DBT: variants seen among roughly 807,000 people sequenced by gnomAD.
DBT encodes lipoamide acyltransferase component of branched-chain alpha-keto acid dehydrogenase complex, mitochondrial.
DBT carries 40 observed loss-of-function variants against 51.3 expected under a neutral mutation model. The observed-to-expected ratio is 0.78, with a 90% CI of 0.61 to 1.02. The LOEUF (loss-of-function observed/expected upper bound fraction) is 1.02. Ranked by LOEUF, DBT falls within the 50% of genes least tolerant of loss-of-function variation. The pLI is 0.00. For missense variants in DBT, 510 were observed against 580.2 expected (o/e 0.88, Z 1.24); for synonymous variants, 181 against 190.4 (o/e 0.95, Z 0.41).
intron 10 of DBT, among the ~76,000 whole-genome samples, chr1:100,206,015 G>A (rs1441617362): frequency 6.6e-6 from 1 of 150,854 alleles, no homozygotes; most frequent in Non-Finnish European, 1.5e-5. Context: ...ACCATGGCAG[G>A]TGTATACTCA....
intron 4 of DBT, among the ~76,000 whole-genome samples, chr1:100,219,117 C>G (rs1300089118): frequency 6.6e-6 from 1 of 152,062 alleles, no homozygotes; most frequent in African/African-American, 2.4e-5. Flanking sequence ...TTTGGGAGGT[C>G]AAGGCAGAAG....
chr1:100,217,186 T>C (rs1467686157), intron 5 of DBT, among the ~76,000 whole-genome samples: 3 of 152,172 alleles, frequency 2.0e-5, no homozygotes, highest in African/African-American at 7.2e-5. Context: ...TCTACCCAAG[T>C]ATTCTATACC....
chr1:100,218,823 A>G, intron 4 of DBT, 76 bp from the exon 5 acceptor site: 2 of 1,145,758 alleles, frequency 1.7e-6, no homozygotes, highest in East Asian at 4.8e-5. Context: ...TAAGGCCACT[A>G]AGATGTGGCC....
chr1:100,216,861 A>T (rs1662525381), intron 5 of DBT, among the ~76,000 whole-genome samples: 1 of 152,206 alleles, frequency 6.6e-6, no homozygotes, highest in Non-Finnish European at 1.5e-5. Context: ...AATAAAAATA[A>T]ACATAAAAGC....
rs1660938713 is a variant in DBT, at chr1:100,194,027, A to G, written c.*2228T>C. On this transcript the variant is annotated 3_prime_UTR_variant, in exon 11 of 11. Transcript: ENST00000370132. ...GATATGCTATGATCATGTTTTAACA[A>G]AAAAGAATAGCCATACATACAGATA... 1 of 152,258 alleles carries G rather than the reference A, an allele frequency of 6.6e-6. No homozygotes were observed. The highest frequency in any genetic ancestry group is 1.5e-5 in the Non-Finnish European group (1 of 68,036). 9.4% of individuals were successfully genotyped at this position (152,258 alleles called of 1,614,324 possible). A position where few individuals can be genotyped will look rare whatever the true frequency, so the allele number is the denominator to read the frequency against.
rs918474946 is a variant in DBT at position 100,189,414 on chromosome 1, T to C, written c.*6841A>G. 2 of 151,546 alleles carry C rather than the reference T, an allele frequency of 1.3e-5. No homozygotes were observed. The highest frequency in any genetic ancestry group is 6.6e-5 in the Admixed American group (1 of 15,214). 9.4% of individuals were successfully genotyped at this position (151,546 alleles called of 1,614,324 possible). A position where few individuals can be genotyped will look rare whatever the true frequency, so the allele number is the denominator to read the frequency against. On this transcript the variant is annotated 3_prime_UTR_variant, in exon 11 of 11. Transcript: ENST00000370132. ...GGGATAGCAAGGATAACATGAACCA[T>C]GTAAGGTTTGGCATAAATAGTTCAT...
At chr1:100,213,264 C>G in intron 7 of DBT, 1 of 1,319,250 alleles carries the variant, frequency 7.6e-7, no homozygotes. Context: ...GCGTCCCCGC[C>G]GGGGCCGACA....
intron 8 of DBT, 106 bp downstream of exon 8, chr1:100,210,588 T>C: frequency 1.3e-6 from 2 of 1,489,986 alleles, no homozygotes; most frequent in Non-Finnish European, 1.8e-6. Context: ...TTAATTCTAG[T>C]CTAAAAAAGA....
intron 4 of DBT, among the ~76,000 whole-genome samples, chr1:100,230,507 T>TC (rs920782499): frequency 6.6e-6 from 1 of 151,934 alleles, no homozygotes; most frequent in Non-Finnish European, 1.5e-5. Context: ...TATTGCCTTT[T>TC]CCCCCCCACC....
At position 100,187,829 on chromosome 1, in the gene DBT, A is replaced by G. The variant is rs1313585567; in HGVS notation, c.*8426T>C. 6.6e-6 allele frequency: 1 copy of G among 151,790 alleles called. No homozygotes were observed. Among genetic ancestry groups the G allele is most frequent in the Non-Finnish European group, 1.5e-5 (1 of 68,018 alleles). The allele number at this position is 151,790 out of a possible 1,614,324, so 9.4% of individuals were successfully genotyped here. A position where few individuals can be genotyped will look rare whatever the true frequency, so the allele number is the denominator to read the frequency against. ...TCTACAAATATTTTATGGAATGTTT[A>G]ATATCTTGTAAATGTGGAAGCTGTG... is the stretch of plus-strand genomic sequence containing the variant. On this transcript the variant is annotated 3_prime_UTR_variant, in exon 11 of 11. Coordinates refer to ENST00000370132, the MANE Select transcript of DBT (RefSeq NM_001918.5).
Position 100,196,429 on chromosome 1 carries a change from A to G in DBT, c.1282-7T>C, listed in dbSNP as rs1557939372. 5.9e-6 allele frequency: 4 copies of G among 676,034 alleles called. No homozygotes were observed. Among genetic ancestry groups the G allele is most frequent in the Non-Finnish European group, 8.1e-6 (4 of 492,770 alleles). 41.9% of individuals were successfully genotyped at this position (676,034 alleles called of 1,614,324 possible). A position where few individuals can be genotyped will look rare whatever the true frequency, so the allele number is the denominator to read the frequency against. The stretch of plus-strand genomic sequence containing the variant: ...GGTTAAATCGGGGAATGGCCTAGAA[A>G]TGAAAAAAAAAAAAAAAAAAAAAAA... On this transcript the variant is annotated splice_region_variant and splice_polypyrimidine_tract_variant and intron_variant, in intron 10 of 10. Coordinates refer to ENST00000370132, the MANE Select transcript of DBT (RefSeq NM_001918.5).
rs12130715 is a variant in DBT at position 100,205,483 on chromosome 1, C to T, written c.1281+747G>A. Among the ~76,000 whole-genome samples the T allele has an allele frequency of 2.6e-3, 391 of 152,284 alleles. 1 individual carries two copies. Among genetic ancestry groups the T allele is most frequent in the Middle Eastern group, 0.014 (4 of 294 alleles). On this transcript the variant is annotated intron_variant, in intron 10 of 10. Coordinates refer to ENST00000370132, the MANE Select transcript of DBT (RefSeq NM_001918.5). ...TGGAGAGAATATAGAGAGATAGAAA[C>T]GCTTTTACACTGTTGGTGGGAGTGT... is the stretch of plus-strand genomic sequence containing the variant.
intron 7 of DBT, chr1:100,211,204 C>G: frequency 2.7e-6 from 2 of 740,808 alleles, no homozygotes; most frequent in Non-Finnish European, 5.0e-6. Context: ...TCAAAGCGCA[C>G]TGACCAGTAG....
At chr1:100,212,521 C>CTTTTTTAG (rs1381827596) in intron 7 of DBT, among the ~76,000 whole-genome samples, 1 of 146,084 alleles carries the variant, frequency 6.8e-6, no homozygotes, top group Non-Finnish European at 1.5e-5. Flanking sequence ...GCCTGGGCAA[C>CTTTTTTAG]AAAGTGAACC....
At chr1:100,207,108 A>G (rs571706682) in intron 8 of DBT, among the ~76,000 whole-genome samples, 1 of 152,278 alleles carries the variant, frequency 6.6e-6, no homozygotes, top group South Asian at 2.1e-4. Flanking sequence ...TATTGATAAG[A>G]ATGTAGGCAA....
At chr1:100,246,796 TA>T (rs1664565914) in intron 1 of DBT, among the ~76,000 whole-genome samples, 1 of 152,156 alleles carries the variant, frequency 6.6e-6, no homozygotes, top group Non-Finnish European at 1.5e-5. Flanking sequence ...TAAAGACAAG[TA>T]AACCGGTGAT....
Position 100,193,433 on chromosome 1 carries a change from A to C in DBT, c.*2822T>G, listed in dbSNP as rs747199821. 1 of 152,206 alleles carries C rather than the reference A, an allele frequency of 6.6e-6. No homozygotes were observed. The highest frequency in any genetic ancestry group is 1.5e-5 in the Non-Finnish European group (1 of 68,030). 9.4% of individuals were successfully genotyped at this position (152,206 alleles called of 1,614,324 possible). Reference sequence around the variant, plus strand: ...ATAGCATCTGGGTTATTACCTACCAAGAACAGTGTTTTATGCAGTTATTTA... The same window carrying C: ...ATAGCATCTGGGTTATTACCTACCACGAACAGTGTTTTATGCAGTTATTTA... On this transcript the variant is annotated 3_prime_UTR_variant, in exon 11 of 11. Transcript: ENST00000370132.
At chr1:100,235,651 A>C (rs1421962270) in intron 2 of DBT, 140 bp from the exon 3 acceptor site, 4 of 573,696 alleles carry the variant, frequency 7.0e-6, no homozygotes, top group South Asian at 4.5e-5. Flanking sequence ...GCATTTTATA[A>C]TTTTTAAGAG....
At chr1:100,225,042 A>AATAT (rs1553231588) in intron 4 of DBT, among the ~76,000 whole-genome samples, 1 of 45,630 alleles carries the variant, frequency 2.2e-5, no homozygotes, top group African/African-American at 6.7e-5. Flanking sequence ...AAAAAAAAAA[A>AATAT]ATATATATAT....
Sources: gnomAD v4.1 joint callset for allele counts (sites outside exome capture counted in the v4.1 genomes callset) on GRCh38, gnomAD v4.1.1 for gene constraint, MANE v1.5 for transcripts, NCBI Gene and HGNC (gene_info 2026-07-23, HGNC 2026-07-21) for gene names.